The following ALPK1 variants were observed in gnomAD, a reference collection of about 807,000 sequenced individuals.
The protein encoded by ALPK1 is alpha kinase 1.
A neutral mutation model predicts 120.6 loss-of-function variants in ALPK1; 110 were observed. That is an observed-to-expected ratio of 0.91 (90% CI 0.78 to 1.07). The LOEUF (loss-of-function observed/expected upper bound fraction) is 1.07. Among genes scored for constraint, ALPK1 ranks in the 50% least tolerant of loss-of-function variants. The pLI, the probability that ALPK1 is intolerant of heterozygous loss-of-function variation, is 0.00. For missense variants in ALPK1, 1,498 were observed against 1,483.9 expected (o/e 1.01, Z -0.16); for synonymous variants, 582 against 560.3 (o/e 1.04, Z -0.55).
chr4:112,416,459 A>G (rs748734688), intron 5 of ALPK1, among the ~76,000 whole-genome samples: 10 of 152,202 alleles, frequency 6.6e-5, no homozygotes, highest in Non-Finnish European at 1.5e-4. Context: ...AGGGAAGTTT[A>G]AAAAACTCAA....
Position 112,307,963 on chromosome 4 carries a change from C to A in ALPK1, c.-152-7838C>A, listed in dbSNP as rs978056319. On this transcript the variant is annotated intron_variant, in intron 1 of 15. Coordinates refer to ENST00000650871, the MANE Select transcript of ALPK1 (RefSeq NM_025144.4). ...GCCTGGTGGTGACAAAATCTCTCAG[C>A]ATTTGCTTGTCTGTAAAGGATTTTA... is the stretch of plus-strand genomic sequence containing the variant. Among the ~76,000 whole-genome samples, 5 of 152,074 alleles carry A rather than the reference C, an allele frequency of 3.3e-5. 1 individual carries two copies. The highest frequency in any genetic ancestry group is 1.2e-4 in the African/African-American group (5 of 41,346).
At chr4:112,352,076 C>T (rs761849264) in intron 2 of ALPK1, among the ~76,000 whole-genome samples, 1 of 152,206 alleles carries the variant, frequency 6.6e-6, no homozygotes, top group African/African-American at 2.4e-5. Flanking sequence ...TACCACCTCT[C>T]AATGGAGTCC....
chr4:112,328,325 C>A (rs1729206364), intron 2 of ALPK1, among the ~76,000 whole-genome samples: 1 of 152,224 alleles, frequency 6.6e-6, no homozygotes, highest in Admixed American at 6.5e-5. Context: ...GTCACTGATA[C>A]AAGAGCAAGA....
At chr4:112,318,404 G>C (rs1373442150) in intron 2 of ALPK1, among the ~76,000 whole-genome samples, 1 of 152,210 alleles carries the variant, frequency 6.6e-6, no homozygotes, top group African/African-American at 2.4e-5. Flanking sequence ...CAGAAAAGCT[G>C]AGCTACTTAT....
At chr4:112,354,422 T>C (rs112662063) in intron 2 of ALPK1, among the ~76,000 whole-genome samples, 2,583 of 152,298 alleles carry the variant, frequency 0.017, 44 homozygotes, top group Non-Finnish European at 0.029. Context: ...TTCCCGTATA[T>C]ATGTAAGGTC....
chr4:112,434,648 A>G (rs1734714357), intron 11 of ALPK1, among the ~76,000 whole-genome samples: 1 of 152,156 alleles, frequency 6.6e-6, no homozygotes, highest in Admixed American at 6.5e-5. Flanking sequence ...CATTTTCTCA[A>G]ATAATTTCCA....
chr4:112,309,491 C>T (rs1430953938), intron 1 of ALPK1, among the ~76,000 whole-genome samples: 1 of 152,150 alleles, frequency 6.6e-6, no homozygotes, highest in Non-Finnish European at 1.5e-5. Context: ...GCAGTTCGAT[C>T]TCAGACTGCT....
rs1218962489 is a variant in ALPK1 at position 112,430,843 on chromosome 4, T to C, written c.1296T>C (p.Tyr432=). ...TCTCAAATGTAGATGACAGATCTTA[T>C]GTTCCCGAGAGTTTCGAGTGCAGGT... ...QSFSNVDDRS[Y]VPESFECRLD... is the part of the protein sequence containing the mutation. Residue 432 remains tyrosine (Y), a synonymous_variant, in exon 11 of 16, where the codon TAT becomes TAC. Transcript: ENST00000650871. The C allele has an allele frequency of 1.9e-6, 3 of 1,614,196 alleles. No homozygotes were observed. Among genetic ancestry groups the C allele is most frequent in the East Asian group, 2.2e-5 (1 of 44,882 alleles).
intron 2 of ALPK1, chr4:112,356,637 C>T (rs149481403): frequency 6.2e-6 from 5 of 801,348 alleles, no homozygotes; most frequent in African/African-American, 5.1e-5. Context: ...GATGGCAAGT[C>T]GCTCTGTCAT....
chr4:112,394,556 T>A (rs550718478), intron 4 of ALPK1, among the ~76,000 whole-genome samples: 1 of 152,308 alleles, frequency 6.6e-6, no homozygotes, highest in South Asian at 2.1e-4. Context: ...AGAGTCTGAT[T>A]AAAATCACCA....
intron 2 of ALPK1, chr4:112,359,271 G>A (rs1430726883): frequency 3.9e-6 from 2 of 508,806 alleles, no homozygotes; most frequent in African/African-American, 1.9e-5. Context: ...TGCCATGAGC[G>A]CCTACCTGGA....
chr4:112,307,409 GA>G (rs1728138821), intron 1 of ALPK1, among the ~76,000 whole-genome samples: 1 of 151,974 alleles, frequency 6.6e-6, no homozygotes, highest in Non-Finnish European at 1.5e-5. Context: ...GGTCTCTAAG[GA>G]CTTGCTTTAT....
At chr4:112,324,845 G>A (rs1346491891) in intron 2 of ALPK1, among the ~76,000 whole-genome samples, 1 of 151,910 alleles carries the variant, frequency 6.6e-6, no homozygotes, top group Non-Finnish European at 1.5e-5. Flanking sequence ...TAGATTGTCT[G>A]TCCCAAAAAT....
chr4:112,426,348 C>A, intron 7 of ALPK1, 119 bp from the exon 8 acceptor site: 1 of 677,570 alleles, frequency 1.5e-6, no homozygotes, highest in Non-Finnish European at 2.5e-6. Flanking sequence ...CTAAGTTTTC[C>A]TAACAGAATC....
intron 3 of ALPK1, 83 bp downstream of exon 3, chr4:112,377,981 T>G: frequency 4.0e-5 from 55 of 1,382,282 alleles, no homozygotes; most frequent in Non-Finnish European, 4.7e-5. Context: ...TTCTTATCTC[T>G]GCCCTATTTT....
Position 112,432,460 on chromosome 4 carries a change from G to A in ALPK1, c.2913G>A (p.Glu971=). 1 of 1,614,156 alleles carries A rather than the reference G, an allele frequency of 6.2e-7. No homozygotes were observed. Among genetic ancestry groups the A allele is most frequent in the South Asian group, 1.1e-5 (1 of 91,076 alleles). ...GAAAGATGAGGAAAGAGATCCTTGAGGCTCGCACCTTGCAACCTGATGACT... is the reference window on the plus strand; with the variant it reads ...GAAAGATGAGGAAAGAGATCCTTGAAGCTCGCACCTTGCAACCTGATGACT... The part of the protein sequence containing the change: ...LPGKMRKEIL[E]ARTLQPDDFE... Residue 971 remains glutamate (E), a synonymous_variant, in exon 11 of 16, where the codon GAG becomes GAA. Transcript: ENST00000650871.
chr4:112,414,215 C>T (rs1429065010), intron 5 of ALPK1: 1 of 469,004 alleles, frequency 2.1e-6, no homozygotes, highest in African/African-American at 2.0e-5. Context: ...GAGAGGACAG[C>T]AGTCTTGCTA....
intron 3 of ALPK1, 84 bp from the exon 4 acceptor site, chr4:112,382,314 A>G (rs1210572623): frequency 1.3e-5 from 10 of 786,556 alleles, no homozygotes; most frequent in Non-Finnish European, 1.8e-5. Flanking sequence ...TTTTTTTGCC[A>G]CTGAGGTGCT....
chr4:112,429,134 C>T lies in ALPK1; in HGVS notation c.796-15C>T. 6.2e-7 allele frequency: 1 copy of T among 1,608,928 alleles called. No homozygotes were observed. Among genetic ancestry groups the T allele is most frequent in the Non-Finnish European group, 8.5e-7 (1 of 1,176,094 alleles). ...TAATTATCACCATTCCACTTAGCCTCCTGTTTTCTCACAGAGCCTGCTGAA... is the reference window on the plus strand; with the variant it reads ...TAATTATCACCATTCCACTTAGCCTTCTGTTTTCTCACAGAGCCTGCTGAA... On this transcript the variant is annotated splice_polypyrimidine_tract_variant and intron_variant, in intron 9 of 15. Coordinates refer to ENST00000650871, the MANE Select transcript of ALPK1 (RefSeq NM_025144.4).
Sources: allele counts gnomAD v4.1 joint callset (sites outside exome capture counted in the v4.1 genomes callset), GRCh38; gene constraint gnomAD v4.1.1; transcripts MANE v1.5; gene names NCBI Gene and HGNC (gene_info 2026-07-23, HGNC 2026-07-21).